The following ADAMTS6 variants were observed in gnomAD, a reference collection of about 807,000 sequenced individuals.
ADAMTS6 encodes ADAM metallopeptidase with thrombospondin type 1 motif 6.
Under a neutral mutation model 144.3 loss-of-function variants are expected in ADAMTS6, and 23 were observed. That is an observed-to-expected ratio of 0.16 (90% CI 0.11 to 0.23). The LOEUF is 0.23. Among genes scored for constraint, ADAMTS6 ranks in the 10% least tolerant of loss-of-function variants. ADAMTS6 has a pLI of 1.00. For missense variants in ADAMTS6, 999 were observed against 1,379.6 expected, an observed-to-expected ratio of 0.72 and a Z score of 4.37; for synonymous variants, 444 against 457.5, an observed-to-expected ratio of 0.97 and a Z score of 0.38.
intron 7 of ADAMTS6, among the ~76,000 whole-genome samples, chr5:65,407,190 C>T (rs1306341478): frequency 6.6e-6 from 1 of 152,088 alleles, no homozygotes; most frequent in African/African-American, 2.4e-5. Context: ...TTGTCAGATT[C>T]ACCAAAGTTG....
At chr5:65,374,363 C>T (rs12234016) in intron 7 of ADAMTS6, among the ~76,000 whole-genome samples, 36,841 of 146,048 alleles carry the variant, frequency 0.25, 6,670 homozygotes, top group African/African-American at 0.52. Flanking sequence ...GAAAACCCCA[C>T]TGTCTCAGCC....
At chr5:65,396,359 A>G (rs540590273) in intron 7 of ADAMTS6, among the ~76,000 whole-genome samples, 1 of 152,330 alleles carries the variant, frequency 6.6e-6, no homozygotes, top group Admixed American at 6.5e-5. Flanking sequence ...AAACTTTAAA[A>G]TAAAGTTTAT....
chr5:65,435,689 G>A (rs956660038), intron 7 of ADAMTS6, among the ~76,000 whole-genome samples: 7 of 151,626 alleles, frequency 4.6e-5, no homozygotes, highest in Non-Finnish European at 8.8e-5. Context: ...ACAGTGGCGC[G>A]ATATCGGCTC....
chr5:65,213,260 A>ATCT (rs72005097), intron 20 of ADAMTS6, among the ~76,000 whole-genome samples: 102,070 of 151,756 alleles, frequency 0.67, 35,018 homozygotes, highest in African/African-American at 0.82. Flanking sequence ...ATTATTATTC[A>ATCT]TCTTTTTTGT....
In ADAMTS6 at chr5:65,481,714, C is replaced by G. The variant is rs1761219579; in HGVS notation, c.-651G>C. On this transcript the variant is annotated 5_prime_UTR_variant, in exon 1 of 25. Coordinates refer to ENST00000381055, the MANE Select transcript of ADAMTS6 (RefSeq NM_197941.4). ...GACTTATTGGGGGTGGAAGTGGTGC[C>G]CTCTCTTCCTGGAAAGCTTAGTGCC... The G allele has an allele frequency of 6.6e-6, 1 of 152,166 alleles. No individual in the cohort carries two copies. Among genetic ancestry groups the G allele is most frequent in the Non-Finnish European group, 1.5e-5 (1 of 68,090 alleles). The allele number at this position is 152,166 out of a possible 1,614,324, so 9.4% of individuals were successfully genotyped here. A position where few individuals can be genotyped will look rare whatever the true frequency, so the allele number is the denominator to read the frequency against.
intron 1 of ADAMTS6, among the ~76,000 whole-genome samples, chr5:65,476,601 T>C (rs1169886749): frequency 1.3e-5 from 2 of 152,124 alleles, no homozygotes; most frequent in African/African-American, 4.8e-5. Context: ...TAACAACCAA[T>C]GTCAAAGAAG....
chr5:65,460,671 G>T (rs1759580762), intron 3 of ADAMTS6, among the ~76,000 whole-genome samples: 1 of 152,116 alleles, frequency 6.6e-6, no homozygotes, highest in Non-Finnish European at 1.5e-5. Context: ...ACATAACTAT[G>T]TCCTCTGTGT....
intron 24 of ADAMTS6, among the ~76,000 whole-genome samples, chr5:65,155,863 C>T (rs1009372579): frequency 6.6e-6 from 1 of 152,134 alleles, no homozygotes; most frequent in African/African-American, 2.4e-5. Flanking sequence ...GTTTGCTGTT[C>T]CACCTTAGAG....
chr5:65,391,943 C>A (rs1752957042), intron 7 of ADAMTS6, among the ~76,000 whole-genome samples: 1 of 152,010 alleles, frequency 6.6e-6, no homozygotes, highest in African/African-American at 2.4e-5. Context: ...GCCACATTGG[C>A]CAGGCTGGTC....
chr5:65,196,939 T>C (rs1247377294), intron 21 of ADAMTS6, 83 bp downstream of exon 21: 2 of 1,483,962 alleles, frequency 1.3e-6, no homozygotes, highest in East Asian at 2.3e-5. Flanking sequence ...TCTCATCATA[T>C]AAATATATTT....
chr5:65,458,169 T>C (rs73762005), intron 4 of ADAMTS6, among the ~76,000 whole-genome samples: 5,460 of 152,286 alleles, frequency 0.036, 300 homozygotes, highest in African/African-American at 0.12. Flanking sequence ...TTATTAACTA[T>C]GGAATTTAAT....
At chr5:65,285,159 C>T in intron 11 of ADAMTS6, among the ~76,000 whole-genome samples, 1 of 152,068 alleles carries the variant, frequency 6.6e-6, no homozygotes, top group Non-Finnish European at 1.5e-5. Context: ...ACATAATATG[C>T]CTTAGACATT....
At chr5:65,196,085 T>C (rs1443188918) in intron 21 of ADAMTS6, among the ~76,000 whole-genome samples, 1 of 152,192 alleles carries the variant, frequency 6.6e-6, no homozygotes, top group Non-Finnish European at 1.5e-5. Context: ...GTGAGTTGTA[T>C]TGCTGCATTA....
In ADAMTS6 at chr5:65,151,766, T is replaced by C; in HGVS notation, c.*70A>G. 1 of 1,356,046 alleles carries C rather than the reference T, an allele frequency of 7.4e-7. No individual in the cohort carries two copies. The highest frequency in any genetic ancestry group is 1.2e-5 in the South Asian group (1 of 82,078). The allele number at this position is 1,356,046 out of a possible 1,614,324, so 84.0% of individuals were successfully genotyped here. A position where few individuals can be genotyped will look rare whatever the true frequency, so the allele number is the denominator to read the frequency against. On this transcript the variant is annotated 3_prime_UTR_variant, in exon 25 of 25. Transcript: ENST00000381055. The stretch of plus-strand genomic sequence containing the variant: ...TGCAAGGACATCAATCCTCTTCCTC[T>C]GGGTGGCTCTCTTTGATGGATGCAT...
chr5:65,406,304 A>C (rs949682024), intron 7 of ADAMTS6, among the ~76,000 whole-genome samples: 17 of 152,068 alleles, frequency 1.1e-4, no homozygotes, highest in Non-Finnish European at 1.9e-4. Flanking sequence ...AGCTCTTATT[A>C]TTTTGAGATA....
At chr5:65,374,277 G>C (rs1751286203) in intron 7 of ADAMTS6, among the ~76,000 whole-genome samples, 2 of 151,884 alleles carry the variant, frequency 1.3e-5, no homozygotes, top group East Asian at 3.9e-4. Flanking sequence ...GGCAGGAGAA[G>C]GAAATAAAGG....
rs1580739209 is a variant in ADAMTS6, at chr5:65,451,699, G to A, written c.928-79C>T. 13 of 1,512,736 alleles carry A rather than the reference G, an allele frequency of 8.6e-6. No individual in the cohort carries two copies. The East Asian group carries it at 3.0e-4, about 35-fold the overall frequency. The allele number at this position is 1,512,736 out of a possible 1,614,324, so 93.7% of individuals were successfully genotyped here. A position where few individuals can be genotyped will look rare whatever the true frequency, so the allele number is the denominator to read the frequency against. ...TGTTAAAACTTTTGAAGACTGAAGT[G>A]GGACTATAATTAGAAGCAGTGTTTC... On this transcript the variant is annotated intron_variant, in intron 6 of 24. Transcript: ENST00000381055.
At chr5:65,379,535 C>T (rs1224535562) in intron 7 of ADAMTS6, among the ~76,000 whole-genome samples, 1 of 152,162 alleles carries the variant, frequency 6.6e-6, no homozygotes, top group African/African-American at 2.4e-5. Flanking sequence ...AGCAGGCTGC[C>T]TGTGTGCATA....
At chr5:65,427,279 C>T (rs1210028911) in intron 7 of ADAMTS6, among the ~76,000 whole-genome samples, 2 of 151,650 alleles carry the variant, frequency 1.3e-5, no homozygotes, top group Middle Eastern at 3.2e-3. Context: ...GAAGTTGAAT[C>T]AATCACTTAA....
Sources: allele counts gnomAD v4.1 joint callset (sites outside exome capture counted in the v4.1 genomes callset), GRCh38; gene constraint gnomAD v4.1.1; transcripts MANE v1.5; gene names NCBI Gene and HGNC (gene_info 2026-07-23, HGNC 2026-07-21).